RAB44: variants seen among roughly 807,000 people sequenced by gnomAD.
The protein encoded by RAB44 is ras-related protein Rab-44.
Under a neutral mutation model 93.3 loss-of-function variants are expected in RAB44, and 67 were observed. The observed-to-expected ratio is 0.72, with a 90% CI of 0.59 to 0.88. The LOEUF (loss-of-function observed/expected upper bound fraction) is 0.88. RAB44 is among the 40% of genes least tolerant of loss of function. RAB44 has a pLI of 0.00. For missense variants in RAB44, 1,064 were observed against 1,261.7 expected, an observed-to-expected ratio of 0.84 and a Z score of 2.37; for synonymous variants, 427 against 520.3, an observed-to-expected ratio of 0.82 and a Z score of 2.44.
At chr6:36,699,325 C>T (rs1299123673) in intron 1 of RAB44, among the ~76,000 whole-genome samples, 1 of 152,104 alleles carries the variant, frequency 6.6e-6, no homozygotes, top group Non-Finnish European at 1.5e-5. Flanking sequence ...TGCCACATGT[C>T]CTAGGATGTG....
Position 36,704,282 on chromosome 6 carries a change from C to G in RAB44, c.47C>G (p.Ser16Cys). Residue 16 changes from serine to cysteine, a missense_variant, in exon 2 of 14, where the codon TCC becomes TGC. By Grantham distance (112) the Ser-to-Cys change is moderately radical (BLOSUM62 -1). Transcript: ENST00000612677. ...TCTCGAAAAGTCCGGAAGCTGGGCT[C>G]CAACCGGCGGCGGCAGACAAGAGAG... ...RTSRKVRKLGSNRRRQTREPA... is the reference protein window; with the variant it reads ...RTSRKVRKLGCNRRRQTREPA... The G allele has an allele frequency of 6.5e-7, 1 of 1,536,144 alleles. No individual in the cohort carries two copies. Among genetic ancestry groups the G allele is most frequent in the Non-Finnish European group, 8.7e-7 (1 of 1,146,904 alleles).
chr6:36,702,875 T>C (rs1582607031), intron 1 of RAB44, among the ~76,000 whole-genome samples: 1 of 152,294 alleles, frequency 6.6e-6, no homozygotes, highest in Middle Eastern at 3.4e-3. Flanking sequence ...AGACATTCAG[T>C]GACAGGTGAA....
chr6:36,701,660 GAC>G (rs1230513217), intron 1 of RAB44, among the ~76,000 whole-genome samples: 3 of 152,176 alleles, frequency 2.0e-5, no homozygotes, highest in African/African-American at 7.2e-5. Context: ...CCCAGCACCT[GAC>G]ACACAGGTAT....
At position 36,717,308 on chromosome 6, in the gene RAB44, G is replaced by A. The variant is rs556702885; in HGVS notation, c.530G>A (p.Arg177Gln). Residue 177 changes from arginine to glutamine, a missense_variant, in exon 5 of 14, where the codon CGG becomes CAG. Physicochemically the swap from Arg to Gln is conservative, Grantham distance 43 (BLOSUM62 1). Transcript: ENST00000612677. The surrounding 1 kb of genome is among the most constrained non-coding windows in gnomAD (Gnocchi z 4.1). ...ATCTGGCAACTGTGGGGGCAGCTGC[G>A]GCAGGAGGAGCCCCAGCTGGCAGGC... ...MEIWQLWGQL[R>Q]QEEPQLAGNL... 5 of 1,232,170 alleles carry A rather than the reference G, an allele frequency of 4.1e-6. No homozygotes were observed. Among genetic ancestry groups the A allele is most frequent in the Middle Eastern group, 3.1e-4 (1 of 3,208 alleles). The allele number at this position is 1,232,170 out of a possible 1,614,324, so 76.3% of individuals were successfully genotyped here. A position where few individuals can be genotyped will look rare whatever the true frequency, so the allele number is the denominator to read the frequency against.
chr6:36,713,336 C>T (rs9462213), intron 2 of RAB44, among the ~76,000 whole-genome samples: 15,411 of 152,172 alleles, frequency 0.1, 951 homozygotes, highest in African/African-American at 0.17. Flanking sequence ...GCTGGGACTA[C>T]AGTCGCTTGC....
Position 36,721,438 on chromosome 6 carries a change from C to T in RAB44, c.1304C>T (p.Pro435Leu), listed in dbSNP as rs1763076484. 1.6e-6 allele frequency: 2 copies of T among 1,234,446 alleles called. No individual in the cohort carries two copies. The highest frequency in any genetic ancestry group is 2.0e-6 in the Non-Finnish European group (2 of 988,262). The allele number at this position is 1,234,446 out of a possible 1,614,324, so 76.5% of individuals were successfully genotyped here. A position where few individuals can be genotyped will look rare whatever the true frequency, so the allele number is the denominator to read the frequency against. Residue 435 changes from proline (P) to leucine (L), a missense_variant, in exon 9 of 14, where the codon CCA becomes CTA. By Grantham distance (98) the Pro-to-Leu change is moderately conservative. Coordinates refer to ENST00000612677, the MANE Select transcript of RAB44 (RefSeq NM_001257357.2). Reference protein sequence around the residue: ...SSDPDGAPRTPPGVTFSAKDN... With the variant: ...SSDPDGAPRTLPGVTFSAKDN... ...GATCCAGATGGGGCTCCAAGGACCCCACCTGGGGTGACTTTCAGCGCCAAG... is the reference window on the plus strand; with the variant it reads ...GATCCAGATGGGGCTCCAAGGACCCTACCTGGGGTGACTTTCAGCGCCAAG...
In RAB44 at chr6:36,717,526, C is replaced by G; in HGVS notation, c.641+107C>G. On this transcript the variant is annotated intron_variant, in intron 5 of 13. Transcript: ENST00000612677. The surrounding 1 kb of genome is among the most constrained non-coding windows in gnomAD (Gnocchi z 4.1). ...CTCCTCCTGCAGCTGGGCCTGTGAGCTGGATAGGGCAGAGCTGCGCTGGAG... is the reference window on the plus strand; with the variant it reads ...CTCCTCCTGCAGCTGGGCCTGTGAGGTGGATAGGGCAGAGCTGCGCTGGAG... 2.6e-6 allele frequency: 3 copies of G among 1,165,326 alleles called. No homozygotes were observed. Among genetic ancestry groups the G allele is most frequent in the Non-Finnish European group, 3.2e-6 (3 of 928,460 alleles). The allele number at this position is 1,165,326 out of a possible 1,614,324, so 72.2% of individuals were successfully genotyped here. A position where few individuals can be genotyped will look rare whatever the true frequency, so the allele number is the denominator to read the frequency against.
chr6:36,715,103 A>ATG (rs1491210098), intron 3 of RAB44, among the ~76,000 whole-genome samples: 4 of 101,954 alleles, frequency 3.9e-5, no homozygotes, highest in Admixed American at 1.8e-4. Context: ...TTGGCTTAAA[A>ATG]TATATATATA....
At chr6:36,724,548 G>A (rs914596720) in intron 9 of RAB44, among the ~76,000 whole-genome samples, 12 of 152,144 alleles carry the variant, frequency 7.9e-5, no homozygotes, top group African/African-American at 2.9e-4. Context: ...CCTTACAACA[G>A]CCTTCCTTAG....
At chr6:36,727,349 G>T (rs554182805) in intron 10 of RAB44, among the ~76,000 whole-genome samples, 1 of 152,306 alleles carries the variant, frequency 6.6e-6, no homozygotes, top group African/African-American at 2.4e-5. Context: ...GCTCCAGGAT[G>T]GGGCAGAAGG....
In RAB44 at chr6:36,722,175, C is replaced by T; in HGVS notation, c.2041C>T (p.Gln681Ter). Residue 681 changes from glutamine to a stop codon, truncating the protein, a stop_gained, in exon 9 of 14, where the codon CAA becomes TAA. Coordinates refer to ENST00000612677, the MANE Select transcript of RAB44 (RefSeq NM_001257357.2). LOFTEE classifies it high-confidence loss of function. ...EEEPRSEEGK[Q>*]EGRGGQDLSS... ...GGAACCCAGGTCTGAGGAAGGAAAA[C>T]AAGAGGGCAGAGGTGGGCAGGACCT... 2.4e-6 allele frequency: 3 copies of T among 1,237,654 alleles called. No homozygotes were observed. The highest frequency in any genetic ancestry group is 3.0e-6 in the Non-Finnish European group (3 of 990,316). The allele number at this position is 1,237,654 out of a possible 1,614,324, so 76.7% of individuals were successfully genotyped here. A position where few individuals can be genotyped will look rare whatever the true frequency, so the allele number is the denominator to read the frequency against.
At chr6:36,710,900 A>G (rs1762768527) in intron 2 of RAB44, among the ~76,000 whole-genome samples, 1 of 152,244 alleles carries the variant, frequency 6.6e-6, no homozygotes, top group African/African-American at 2.4e-5. Flanking sequence ...CTAGGATTAC[A>G]GGCGTGAGTC....
At chr6:36,726,888 C>T (rs1478943957) in intron 10 of RAB44, among the ~76,000 whole-genome samples, 3 of 151,838 alleles carry the variant, frequency 2.0e-5, no homozygotes, top group Non-Finnish European at 2.9e-5. Context: ...GCAATCTCCA[C>T]CTCCAGGGCT....
Position 36,721,789 on chromosome 6 carries a change from C to A in RAB44, c.1655C>A (p.Pro552His). 3.2e-6 allele frequency: 4 copies of A among 1,234,562 alleles called. No individual in the cohort carries two copies. Among genetic ancestry groups the A allele is most frequent in the Non-Finnish European group, 3.0e-6 (3 of 988,360 alleles). 76.5% of individuals were successfully genotyped at this position (1,234,562 alleles called of 1,614,324 possible). A position where few individuals can be genotyped will look rare whatever the true frequency, so the allele number is the denominator to read the frequency against. Residue 552 changes from proline (P) to histidine (H), a missense_variant, in exon 9 of 14, where the codon CCC (proline) becomes CAC (histidine). Pro to His is a moderately conservative substitution (Grantham distance 77). Transcript: ENST00000612677. ...QPGAGAGPQE[P>H]TQTPPTMTER... ...GGGGCTGGAGCAGGACCCCAGGAAC[C>A]CACACAAACCCCTCCCACCATGACT...
intron 12 of RAB44, among the ~76,000 whole-genome samples, chr6:36,729,877 G>A (rs1365076820): frequency 6.6e-6 from 1 of 152,152 alleles, no homozygotes; most frequent in African/African-American, 2.4e-5. Flanking sequence ...AATCCCTAAA[G>A]GAACACCTAA....
chr6:36,729,475 T>G (rs1050492657), intron 12 of RAB44, among the ~76,000 whole-genome samples: 1 of 151,278 alleles, frequency 6.6e-6, no homozygotes, highest in African/African-American at 2.4e-5. Flanking sequence ...ATTTTTTTTC[T>G]TTCTTTCTTT....
intron 12 of RAB44, among the ~76,000 whole-genome samples, chr6:36,729,332 A>G (rs897801255): frequency 6.6e-6 from 1 of 152,192 alleles, no homozygotes; most frequent in Non-Finnish European, 1.5e-5. Context: ...TAATAAAAAT[A>G]GAGGGAAAAA....
At chr6:36,718,263 C>G in intron 6 of RAB44, 145 bp downstream of exon 6, 2 of 525,864 alleles carry the variant, frequency 3.8e-6, no homozygotes, top group Non-Finnish European at 2.9e-6. Flanking sequence ...TGGTGTTCCC[C>G]AGAGAGACGA....
chr6:36,719,744 G>A (rs1015937442), intron 7 of RAB44, among the ~76,000 whole-genome samples: 12 of 152,220 alleles, frequency 7.9e-5, no homozygotes, highest in Admixed American at 7.2e-4. Context: ...TGATATGTGG[G>A]GGAAGGGCAT....
Sources: gnomAD v4.1 joint callset for allele counts (sites outside exome capture counted in the v4.1 genomes callset) on GRCh38, gnomAD v4.1.1 for gene constraint, Gnocchi (gnomAD v3.1) non-coding constraint, MANE v1.5 for transcripts, NCBI Gene and HGNC (gene_info 2026-07-23, HGNC 2026-07-21) for gene names.